PLIN2: variants seen among roughly 807,000 people sequenced by gnomAD.
PLIN2 encodes the protein perilipin 2.
Under a neutral mutation model 30.6 loss-of-function variants are expected in PLIN2, and 33 were observed. That is an observed-to-expected ratio of 1.08 (90% CI 0.82 to 1.44). PLIN2 has a LOEUF of 1.44. Ranked by LOEUF, PLIN2 falls within the 40% of genes most tolerant of loss-of-function variation. The pLI is 0.00. For synonymous variants in PLIN2, 205 were observed against 201.1 expected, an observed-to-expected ratio of 1.02 and a Z score of -0.16; for missense variants, 610 against 531.8, an observed-to-expected ratio of 1.15 and a Z score of -1.45.
In PLIN2 at chr9:19,126,398, G is replaced by A. The variant is rs72561717; in HGVS notation, c.29C>T (p.Pro10Leu). 5.0e-5 allele frequency: 81 copies of A among 1,613,752 alleles called. No homozygotes were observed. Among genetic ancestry groups the A allele is most frequent in the East Asian group, 1.8e-4 (8 of 44,896 alleles). ...ACAAAGGCTACTCAAAATTCATACC[G>A]GTTGTGGATCAACTGCAACGGATGC... MASVAVDPQ[P>L]SVVTRVVNLP... The change falls in exon 2 of 8, where the codon CCG becomes CTG. Residue 10 changes from proline (P) to leucine (L), a missense_variant and splice_region_variant. Physicochemically the swap from Pro to Leu is moderately conservative, Grantham distance 98. Coordinates refer to ENST00000276914, the MANE Select transcript of PLIN2 (RefSeq NM_001122.4).
downstream of PLIN2, among the ~76,000 whole-genome samples, chr9:19,111,054 C>G (rs1305290108): frequency 6.6e-6 from 1 of 151,884 alleles, no homozygotes; most frequent in Non-Finnish European, 1.5e-5. Flanking sequence ...TACTGACAAT[C>G]TTAACAATTT....
chr9:19,114,945 T>C (rs187651686), downstream of PLIN2, among the ~76,000 whole-genome samples: 1 of 152,342 alleles, frequency 6.6e-6, no homozygotes, highest in African/African-American at 2.4e-5. Context: ...AGTGACTTTT[T>C]CCCAAAATGA....
rs747283763 is a variant in PLIN2, at chr9:19,126,356, A to C, written c.30+41T>G. ...TATGCTTATTAATCTCTCAAAACACAAAAGGAGAGAAAGTAGACAAAGGCT... is the reference window on the plus strand; with the variant it reads ...TATGCTTATTAATCTCTCAAAACACCAAAGGAGAGAAAGTAGACAAAGGCT... On this transcript the variant is annotated intron_variant, in intron 2 of 7. Coordinates refer to ENST00000276914, the MANE Select transcript of PLIN2 (RefSeq NM_001122.4). 1.5e-5 allele frequency: 24 copies of C among 1,613,620 alleles called. No individual in the cohort carries two copies. The South Asian group carries it at 2.4e-4, about 16-fold the overall frequency.
At position 19,127,248 on chromosome 9, in the gene PLIN2, C is replaced by G. The variant is rs1722338246; in HGVS notation, c.-23+171G>C. 6.6e-6 allele frequency among the ~76,000 whole-genome samples: 1 copy of G among 152,040 alleles called. No homozygotes were observed. Among genetic ancestry groups the G allele is most frequent in the Non-Finnish European group, 1.5e-5 (1 of 67,988 alleles). ...CCCCTACCCAGCCAGGACCTGGAAG[C>G]CGCGAGGCGAGCGGGGGGTCTCGGA... is the stretch of plus-strand genomic sequence containing the variant. On this transcript the variant is annotated intron_variant, in intron 1 of 7. Transcript: ENST00000276914. This position sits in a 1 kb window ranked among gnomAD's most constrained non-coding sequence, Gnocchi z 4.3.
rs759918528 is a variant in PLIN2 at position 19,116,270 on chromosome 9, C to T, written c.1292G>A (p.Arg431Gln). Residue 431 changes from arginine to glutamine, a missense_variant, in exon 8 of 8, where the codon CGA becomes CAA. Coordinates refer to ENST00000276914, the MANE Select transcript of PLIN2 (RefSeq NM_001122.4). ...EMDKSSQETQ[R>Q]SEHKTH ...GGTTTAATGAGTTTTATGCTCAGAT[C>T]GCTGGGTCTCCTGGCTGCTCTTGTC... 22 of 1,600,570 alleles carry T rather than the reference C, an allele frequency of 1.4e-5. No individual in the cohort carries two copies. The highest frequency in any genetic ancestry group is 1.7e-5 in the Non-Finnish European group (20 of 1,172,536).
chr9:19,121,915 G>T (rs1047178623), intron 4 of PLIN2, among the ~76,000 whole-genome samples: 2 of 151,924 alleles, frequency 1.3e-5, no homozygotes, highest in African/African-American at 4.8e-5. Context: ...TGGGCAACAA[G>T]AGCAAAACTC....
At chr9:19,119,054 A>C (rs1818273325) in intron 6 of PLIN2, among the ~76,000 whole-genome samples, 1 of 152,190 alleles carries the variant, frequency 6.6e-6, no homozygotes, top group African/African-American at 2.4e-5. Flanking sequence ...AACAGAAAGG[A>C]ATTTGACCTT....
chr9:19,109,540 G>GGA (rs1554692400), intron 2 of PLIN2, among the ~76,000 whole-genome samples: 2 of 127,578 alleles, frequency 1.6e-5, no homozygotes, highest in Non-Finnish European at 3.2e-5. Context: ...GACTCTGTCT[G>GGA]AAAAAAAAAA....
At chr9:19,121,521 GA>G (rs977989418) in intron 4 of PLIN2, among the ~76,000 whole-genome samples, 1 of 126,108 alleles carries the variant, frequency 7.9e-6, no homozygotes, top group Non-Finnish European at 1.7e-5. Context: ...GAAGAGAAAA[GA>G]AAAAAAAAGA....
intron 4 of PLIN2, among the ~76,000 whole-genome samples, chr9:19,121,656 G>A (rs1181010288): frequency 6.6e-6 from 1 of 152,164 alleles, no homozygotes; most frequent in African/African-American, 2.4e-5. Flanking sequence ...ACATGGCAGG[G>A]CATGGTGGCT....
intron 4 of PLIN2, 71 bp downstream of exon 4, chr9:19,123,494 A>G (rs755781718): frequency 6.2e-7 from 1 of 1,610,446 alleles, no homozygotes; most frequent in African/African-American, 1.3e-5. Context: ...TGATATGTAC[A>G]GCTTGTTTTA....
At chr9:19,122,958 T>A (rs1354402143) in intron 4 of PLIN2, among the ~76,000 whole-genome samples, 1 of 152,206 alleles carries the variant, frequency 6.6e-6, no homozygotes, top group Non-Finnish European at 1.5e-5. Context: ...GTTCACACAA[T>A]GGCAAAATCA....
rs1243997996 is a variant in PLIN2 at position 19,123,471 on chromosome 9, A to G, written c.309+94T>C. ...CCAGATCCAGGTTGGGAAAACAAGTATTTGCCTGTTTGTGATATGTACAGC... is the reference window on the plus strand; with the variant it reads ...CCAGATCCAGGTTGGGAAAACAAGTGTTTGCCTGTTTGTGATATGTACAGC... On this transcript the variant is annotated intron_variant, in intron 4 of 7. Coordinates refer to ENST00000276914, the MANE Select transcript of PLIN2 (RefSeq NM_001122.4). 4 of 1,593,770 alleles carry G rather than the reference A, an allele frequency of 2.5e-6. No individual in the cohort carries two copies. In the East Asian group the frequency reaches 9.0e-5, roughly 36 times the overall value.
At position 19,119,702 on chromosome 9, in the gene PLIN2, GCTT is replaced by G. The variant is rs1378605196; in HGVS notation, c.722_724del (p.Glu241del). ...AATGGTCTGTTGGCTTTTTTGCTTA[GCTT>G]CTTTAACCCTGCTGAGAGCCTGCTG... On this transcript the variant is annotated inframe_deletion, in exon 6 of 8. Transcript: ENST00000276914. 6.2e-7 allele frequency: 1 copy of G among 1,609,296 alleles called. No homozygotes were observed. Among genetic ancestry groups the G allele is most frequent in the South Asian group, 1.1e-5 (1 of 90,632 alleles).
Position 19,119,771 on chromosome 9 carries a change from C to T in PLIN2, c.656G>A (p.Arg219Lys), listed in dbSNP as rs752820023. 6.2e-6 allele frequency: 10 copies of T among 1,608,330 alleles called. No individual in the cohort carries two copies. The highest frequency in any genetic ancestry group is 7.7e-6 in the Non-Finnish European group (9 of 1,175,730). The change falls in exon 6 of 8, where the codon AGA (arginine) becomes AAA (lysine). Residue 219 changes from arginine to lysine, a missense_variant. By Grantham distance (26) the Arg-to-Lys change is conservative. Coordinates refer to ENST00000276914, the MANE Select transcript of PLIN2 (RefSeq NM_001122.4). ...AAGCTTGGTAGACAGGGATCCCAGT[C>T]TAACATAATAACTTGGCTTCTGAAC... is the stretch of plus-strand genomic sequence containing the variant. ...DLVQKPSYYV[R>K]LGSLSTKLHS...
chr9:19,121,305 G>A (rs764148083), intron 4 of PLIN2, 140 bp from the exon 5 acceptor site: 8 of 705,178 alleles, frequency 1.1e-5, no homozygotes, highest in Non-Finnish European at 9.3e-6. Context: ...TCTTGGGCAA[G>A]TCACTAAGAG....
intron 6 of PLIN2, 54 bp from the exon 7 acceptor site, chr9:19,118,509 C>T: frequency 6.5e-7 from 1 of 1,547,994 alleles, no homozygotes; most frequent in Admixed American, 1.9e-5. Context: ...TTCACGTTAG[C>T]CTGTTTGCAG....
At chr9:19,112,916 A>T (rs1337388704), downstream of PLIN2, among the ~76,000 whole-genome samples, 1 of 151,892 alleles carries the variant, frequency 6.6e-6, no homozygotes, top group Non-Finnish European at 1.5e-5. Flanking sequence ...CAGGAAGAAG[A>T]GCTTTGAGAC....
chr9:19,124,076 T>C (rs1422794763), intron 3 of PLIN2, among the ~76,000 whole-genome samples: 1 of 151,350 alleles, frequency 6.6e-6, no homozygotes, highest in Non-Finnish European at 1.5e-5. Context: ...TTGCCTGGTT[T>C]ATCTAGTTCT....
Sources: allele counts gnomAD v4.1 joint callset (sites outside exome capture counted in the v4.1 genomes callset), GRCh38; gene constraint gnomAD v4.1.1; non-coding constraint Gnocchi (gnomAD v3.1); transcripts MANE v1.5; gene names NCBI Gene and HGNC (gene_info 2026-07-23, HGNC 2026-07-21).